The following MIS18A variants were observed in gnomAD, a reference collection of about 807,000 sequenced individuals.
The protein encoded by MIS18A is MIS18 kinetochore protein A, also known as protein Mis18-alpha.
In MIS18A, 14 loss-of-function variants were observed where a neutral mutation model predicts 25.0. The ratio of observed to expected loss-of-function variants is 0.56; its 90% confidence interval spans 0.37 to 0.88. The LOEUF is 0.88. MIS18A is among the 40% of genes least tolerant of loss of function. The pLI is 0.00. For missense variants in MIS18A, 292 were observed against 290.8 expected, an observed-to-expected ratio of 1.00 and a Z score of -0.03; for synonymous variants, 134 against 118.6, an observed-to-expected ratio of 1.13 and a Z score of -0.84.
the MIS18A span, among the ~76,000 whole-genome samples, chr21:32,201,671 A>G: frequency 6.6e-6 from 1 of 152,016 alleles, no homozygotes; most frequent in East Asian, 1.9e-4. Flanking sequence ...AAATTTAAAA[A>G]TTACCCTGGC....
chr21:32,193,360 T>C, the MIS18A span, among the ~76,000 whole-genome samples: 1 of 152,202 alleles, frequency 6.6e-6, no homozygotes, highest in Non-Finnish European at 1.5e-5. Flanking sequence ...AGCTAGATCC[T>C]GGGTCAGCAG....
chr21:32,168,221 T>C, the MIS18A span, among the ~76,000 whole-genome samples: 1 of 152,246 alleles, frequency 6.6e-6, no homozygotes, highest in Non-Finnish European at 1.5e-5. Context: ...TCATACTTGC[T>C]GGCCTTCAGA....
the MIS18A span, among the ~76,000 whole-genome samples, chr21:32,157,054 C>CTT: frequency 2.0e-3 from 239 of 121,510 alleles, 6 homozygotes; most frequent in East Asian, 6.0e-3. Flanking sequence ...TTCTTTCTTT[C>CTT]TTTTTTTTTT....
the MIS18A span, chr21:32,261,205 C>T: frequency 0.042 from 6,440 of 152,222 alleles, 184 homozygotes; most frequent in South Asian, 0.12. Context: ...CTCAGAAATG[C>T]GGGCAATCAA....
the MIS18A span, among the ~76,000 whole-genome samples, chr21:32,258,840 T>TTA: frequency 9.2e-6 from 1 of 109,110 alleles, no homozygotes; most frequent in Non-Finnish European, 1.7e-5. Flanking sequence ...TGCATTTTAT[T>TTA]TATTTATTTA....
chr21:32,218,732 G>C, the MIS18A span, among the ~76,000 whole-genome samples: 3 of 152,126 alleles, frequency 2.0e-5, no homozygotes, highest in African/African-American at 4.8e-5. Context: ...TAAAAGAAGG[G>C]AATAGTGGAG....
chr21:32,191,832 G>A, the MIS18A span, among the ~76,000 whole-genome samples: 1 of 152,098 alleles, frequency 6.6e-6, no homozygotes, highest in Non-Finnish European at 1.5e-5. Flanking sequence ...TTCAACCCGG[G>A]AGGTGGAGGT....
the MIS18A span, among the ~76,000 whole-genome samples, chr21:32,161,740 C>A: frequency 6.9e-6 from 1 of 145,014 alleles, no homozygotes; most frequent in African/African-American, 2.7e-5. Flanking sequence ...GATCTGCCCA[C>A]CTTGGCCTCC....
At chr21:32,277,627 T>C (rs2031839868) in intron 1 of MIS18A, among the ~76,000 whole-genome samples, 1 of 152,114 alleles carries the variant, frequency 6.6e-6, no homozygotes, top group Admixed American at 6.6e-5. Flanking sequence ...TAATTTTTTA[T>C]TTTGGCGAGG....
chr21:32,199,731 C>T, the MIS18A span, among the ~76,000 whole-genome samples: 1 of 152,096 alleles, frequency 6.6e-6, no homozygotes, highest in Non-Finnish European at 1.5e-5. Context: ...TCCCTTGAAT[C>T]CAGGAGGCGG....
At chr21:32,175,835 C>CA in the MIS18A span, among the ~76,000 whole-genome samples, 5 of 140,638 alleles carry the variant, frequency 3.6e-5, no homozygotes, top group African/African-American at 1.4e-4. Context: ...AAAAACAAAA[C>CA]AACACATTTT....
chr21:32,222,741 C>T, the MIS18A span, among the ~76,000 whole-genome samples: 1 of 35,380 alleles, frequency 2.8e-5, no homozygotes, highest in Non-Finnish European at 5.3e-5. Context: ...ACCATCCTGG[C>T]TAACATGGTG....
the MIS18A span, among the ~76,000 whole-genome samples, chr21:32,258,883 C>T: frequency 7.0e-4 from 89 of 126,916 alleles, no homozygotes; most frequent in African/African-American, 2.1e-3. Context: ...TATTTACTTA[C>T]TTACTTACTT....
the MIS18A span, among the ~76,000 whole-genome samples, chr21:32,178,994 GTATTA>G: frequency 6.6e-6 from 1 of 151,824 alleles, no homozygotes; most frequent in African/African-American, 2.4e-5. Flanking sequence ...CTAATCCCAA[GTATTA>G]TATTGTTTAT....
chr21:32,265,396 GC>G (rs1424087715), downstream of MIS18A, among the ~76,000 whole-genome samples: 14 of 152,238 alleles, frequency 9.2e-5, no homozygotes, highest in Non-Finnish European at 1.6e-4. Context: ...TTCCGGGTGG[GC>G]GTGGGCTTAG....
chr21:32,164,088 A>C, the MIS18A span, among the ~76,000 whole-genome samples: 7 of 152,288 alleles, frequency 4.6e-5, no homozygotes, highest in South Asian at 2.1e-4. Context: ...GGACTGCACC[A>C]AGCCATTCTT....
the MIS18A span, among the ~76,000 whole-genome samples, chr21:32,255,084 G>T: frequency 6.6e-6 from 1 of 152,174 alleles, no homozygotes. Context: ...TAAATAAAAT[G>T]CATAGGAAAT....
chr21:32,218,295 A>G, the MIS18A span, among the ~76,000 whole-genome samples: 54 of 152,210 alleles, frequency 3.5e-4, no homozygotes, highest in Middle Eastern at 3.4e-3. Context: ...AGCTGAAGTG[A>G]TAAGACACAA....
the MIS18A span, among the ~76,000 whole-genome samples, chr21:32,236,112 C>T: frequency 3.7e-4 from 57 of 152,034 alleles, no homozygotes; most frequent in Non-Finnish European, 2.1e-4. Context: ...CGGTGGCTCA[C>T]GCCTGTAATC....
Sources: allele counts gnomAD v4.1 joint callset (sites outside exome capture counted in the v4.1 genomes callset), GRCh38; gene constraint gnomAD v4.1.1; transcripts MANE v1.5; gene names NCBI Gene and HGNC (gene_info 2026-07-23, HGNC 2026-07-21).